The following PIK3R1 variants were observed in gnomAD, a reference collection of about 807,000 sequenced individuals.
PIK3R1 encodes the protein phosphoinositide-3-kinase regulatory subunit 1.
In PIK3R1, 29 loss-of-function variants were observed where a neutral mutation model predicts 98.0. The ratio of observed to expected loss-of-function variants is 0.30; its 90% CI spans 0.22 to 0.40. The LOEUF (loss-of-function observed/expected upper bound fraction) is 0.40, where lower values mean the gene tolerates loss of function less well. Among genes scored for constraint, PIK3R1 ranks in the 10% least tolerant of loss-of-function variants. The pLI, the probability that PIK3R1 is intolerant of heterozygous loss-of-function variation, is 1.00. For missense variants in PIK3R1, 596 were observed against 872.7 expected (o/e 0.68, Z 3.99); for synonymous variants, 282 against 311.8 (o/e 0.90, Z 1.01).
intron 7 of PIK3R1, among the ~76,000 whole-genome samples, chr5:68,287,268 T>A (rs1352490757): frequency 6.6e-6 from 1 of 152,188 alleles, no homozygotes; most frequent in Non-Finnish European, 1.5e-5. Flanking sequence ...GGGTGTGAAA[T>A]TTTTTGCATG....
At chr5:68,295,551 T>C in intron 14 of PIK3R1, 63 bp downstream of exon 14, 2 of 1,375,732 alleles carry the variant, frequency 1.5e-6, no homozygotes, top group Non-Finnish European at 2.1e-6. Context: ...AATGCATGAC[T>C]TGCTTTGTTT....
intron 4 of PIK3R1, among the ~76,000 whole-genome samples, chr5:68,277,396 T>C (rs1165445362): frequency 1.3e-5 from 2 of 152,240 alleles, no homozygotes; most frequent in Admixed American, 1.3e-4. Context: ...GTTGGTTGTT[T>C]GTAGGACATT....
intron 7 of PIK3R1, among the ~76,000 whole-genome samples, chr5:68,285,616 T>C (rs1665485655): frequency 1.3e-5 from 2 of 152,154 alleles, no homozygotes; most frequent in South Asian, 4.1e-4. Flanking sequence ...TTAGGAGGGG[T>C]ATATAGTCAG....
chr5:68,299,965 TC>T lies in PIK3R1; in HGVS notation c.*2365del. 1 of 233,288 alleles carries T rather than the reference TC, an allele frequency of 4.3e-6. No homozygotes were observed. Among genetic ancestry groups the T allele is most frequent in the Non-Finnish European group, 8.5e-6 (1 of 118,026 alleles). 14.5% of individuals were successfully genotyped at this position (233,288 alleles called of 1,614,324 possible). On this transcript the variant is annotated 3_prime_UTR_variant, in exon 16 of 16. Coordinates refer to ENST00000521381, the MANE Select transcript of PIK3R1 (RefSeq NM_181523.3). ...GATATCCTTCTAGATCATACACAAG[TC>T]TAACAGTTAATTAGTTAACAGTTTT...
In PIK3R1 at chr5:68,226,705, G is replaced by T. The variant is rs750929700; in HGVS notation, c.30G>T (p.Ala10=). MSAEGYQYR[A]LYDYKKEREE... ...GTGCTGAGGGGTACCAGTACAGAGC[G>T]CTGTATGATTATAAAAAGGAAAGAG... The change falls in exon 2 of 16, where the codon GCG becomes GCT. Residue 10 remains alanine (A), a synonymous_variant. Transcript: ENST00000521381. 4 of 1,613,906 alleles carry T rather than the reference G, an allele frequency of 2.5e-6. No individual in the cohort carries two copies. The highest frequency in any genetic ancestry group is 3.4e-6 in the Non-Finnish European group (4 of 1,179,976).
intron 2 of PIK3R1, among the ~76,000 whole-genome samples, chr5:68,255,096 T>C (rs1325114122): frequency 6.6e-6 from 1 of 152,228 alleles, no homozygotes; most frequent in East Asian, 1.9e-4. Context: ...TTTGGGTTGC[T>C]CCAGGGCTTT....
chr5:68,296,568 C>T (rs931106967), intron 15 of PIK3R1, among the ~76,000 whole-genome samples: 3 of 152,156 alleles, frequency 2.0e-5, no homozygotes, highest in Admixed American at 2.0e-4. Flanking sequence ...AGTTGGAAGA[C>T]TAGGTTTGGA....
intron 7 of PIK3R1, among the ~76,000 whole-genome samples, chr5:68,286,408 T>C (rs1395158601): frequency 6.6e-6 from 1 of 152,230 alleles, no homozygotes; most frequent in African/African-American, 2.4e-5. Flanking sequence ...AATACAATTA[T>C]GTACATTAGT....
intron 5 of PIK3R1, 65 bp downstream of exon 5, chr5:68,279,798 G>A: frequency 6.7e-7 from 1 of 1,486,248 alleles, no homozygotes; most frequent in Non-Finnish European, 9.4e-7. Context: ...GCTTGTATAT[G>A]TCTTGCATAT....
At chr5:68,292,638 T>C in intron 8 of PIK3R1, 2 of 1,393,192 alleles carry the variant, frequency 1.4e-6, no homozygotes, top group Non-Finnish European at 9.4e-7. Context: ...GTGAAGGCAC[T>C]CTATCTATTA....
intron 7 of PIK3R1, among the ~76,000 whole-genome samples, chr5:68,283,001 C>G (rs1036615320): frequency 1.3e-5 from 2 of 152,224 alleles, no homozygotes; most frequent in Non-Finnish European, 2.9e-5. Flanking sequence ...TCCAGAACAT[C>G]TTCGTATTCA....
Position 68,301,459 on chromosome 5 carries a change from T to C in PIK3R1, c.*3858T>C, listed in dbSNP as rs1290060024. The C allele has an allele frequency of 8.0e-6, 1 of 125,468 alleles. No individual in the cohort carries two copies. Among genetic ancestry groups the C allele is most frequent in the Non-Finnish European group, 1.6e-5 (1 of 63,032 alleles). 7.8% of individuals were successfully genotyped at this position (125,468 alleles called of 1,614,324 possible). ...GTGTGTGTATATATATATATATGTG[T>C]ATATATATATGTATATACATATATG... On this transcript the variant is annotated 3_prime_UTR_variant, in exon 16 of 16. Coordinates refer to ENST00000521381, the MANE Select transcript of PIK3R1 (RefSeq NM_181523.3).
intron 2 of PIK3R1, among the ~76,000 whole-genome samples, chr5:68,235,148 A>T (rs1330767708): frequency 6.6e-6 from 1 of 152,134 alleles, no homozygotes; most frequent in African/African-American, 2.4e-5. Flanking sequence ...CACACCTGTA[A>T]TCCCAGCATT....
intron 1 of PIK3R1, among the ~76,000 whole-genome samples, chr5:68,217,095 T>G (rs1394098363): frequency 6.6e-6 from 1 of 152,164 alleles, no homozygotes; most frequent in African/African-American, 2.4e-5. Flanking sequence ...TTTTTTTTCT[T>G]TTTTCTCTTC....
intron 1 of PIK3R1, among the ~76,000 whole-genome samples, chr5:68,218,755 AG>A (rs1238733252): frequency 2.6e-5 from 4 of 152,248 alleles, no homozygotes; most frequent in Non-Finnish European, 5.9e-5. Context: ...TGCAGGGCAC[AG>A]GGTTTGCAAG....
rs1413158577 is a variant in PIK3R1 at position 68,295,401 on chromosome 5, T to G, written c.1746-19T>G. 6.2e-7 allele frequency: 1 copy of G among 1,614,142 alleles called. No homozygotes were observed. Among genetic ancestry groups the G allele is most frequent in the Non-Finnish European group, 8.5e-7 (1 of 1,179,970 alleles). On this transcript the variant is annotated intron_variant, in intron 13 of 15. Transcript: ENST00000521381. Reference sequence around the variant, plus strand: ...TTCAGGATGAGTTAATGCGTTCTCTTTTCAAAACTGTTTTTCAGGTGGTTG... The same window carrying G: ...TTCAGGATGAGTTAATGCGTTCTCTGTTCAAAACTGTTTTTCAGGTGGTTG...
In PIK3R1 at chr5:68,300,838, TC is replaced by T; in HGVS notation, c.*3238del. The T allele has an allele frequency of 4.3e-6, 1 of 233,292 alleles. No homozygotes were observed. Among genetic ancestry groups the T allele is most frequent in the African/African-American group, 2.2e-5 (1 of 45,488 alleles). The allele number at this position is 233,292 out of a possible 1,614,324, so 14.5% of individuals were successfully genotyped here. ...GTAAGTGAAGTGAGAAGTTCATATT[TC>T]TTTGGCTTTTTTGTGTTTTTAAAAG... On this transcript the variant is annotated 3_prime_UTR_variant, in exon 16 of 16. Coordinates refer to ENST00000521381, the MANE Select transcript of PIK3R1 (RefSeq NM_181523.3).
intron 2 of PIK3R1, among the ~76,000 whole-genome samples, chr5:68,251,884 G>C (rs551404416): frequency 3.9e-5 from 6 of 152,098 alleles, no homozygotes; most frequent in Admixed American, 6.5e-5. Context: ...CACCCGGTTG[G>C]GGGTGGTGGA....
At chr5:68,288,853 G>A (rs1747223424) in intron 7 of PIK3R1, 3 of 1,175,744 alleles carry the variant, frequency 2.6e-6, no homozygotes, top group Non-Finnish European at 3.8e-6. Context: ...CCCTGTAAGC[G>A]CTGCCTGGGG....
Sources: allele counts gnomAD v4.1 joint callset (sites outside exome capture counted in the v4.1 genomes callset), GRCh38; gene constraint gnomAD v4.1.1; transcripts MANE v1.5; gene names NCBI Gene and HGNC (gene_info 2026-07-23, HGNC 2026-07-21).